SNX29: variants seen among roughly 807,000 people sequenced by gnomAD.
The protein encoded by SNX29 is sorting nexin-29.
SNX29 carries 78 observed loss-of-function variants against 102.1 expected under a neutral mutation model. That is an observed-to-expected ratio of 0.76 (90% CI 0.64 to 0.92). The LOEUF is 0.92. Ranked by LOEUF, SNX29 falls within the 40% of genes least tolerant of loss-of-function variation. The pLI, the probability that SNX29 is intolerant of heterozygous loss-of-function variation, is 0.00. For synonymous variants in SNX29, 580 were observed against 414.5 expected (o/e 1.40, Z -4.85); for missense variants, 1,280 against 1,061.7 (o/e 1.21, Z -2.86).
chr16:12,221,118 T>C (rs907183658), intron 14 of SNX29, among the ~76,000 whole-genome samples: 2 of 151,930 alleles, frequency 1.3e-5, no homozygotes, highest in Non-Finnish European at 2.9e-5. Context: ...TTTTTTTTCT[T>C]CTTCTTCTTC....
At chr16:12,071,445 G>C (rs1267625339) in intron 10 of SNX29, among the ~76,000 whole-genome samples, 14 of 152,124 alleles carry the variant, frequency 9.2e-5, no homozygotes, top group Admixed American at 9.2e-4. Flanking sequence ...CCCAATGCTT[G>C]TTTTTCTCAG....
rs1320553217 is a variant in SNX29 at position 12,436,804 on chromosome 16, C to G, written c.2037+33275C>G. On this transcript the variant is annotated intron_variant, in intron 18 of 20. Coordinates refer to ENST00000566228, the MANE Select transcript of SNX29 (RefSeq NM_032167.5). ...TAGTAGCTGGGATTACAGGTGCCTG[C>G]CACCATGCCCGGCTAATTTTTGTAT... Among the ~76,000 whole-genome samples, 4 of 152,356 alleles carry G rather than the reference C, an allele frequency of 2.6e-5. No homozygotes were observed. The East Asian group carries it at 7.7e-4, about 29-fold the overall frequency.
Position 12,572,076 on chromosome 16 carries a change from G to A in SNX29, c.*3447G>A, listed in dbSNP as rs149222146. 228 of 1,063,684 alleles carry A rather than the reference G, an allele frequency of 2.1e-4. No homozygotes were observed. In the South Asian group the frequency reaches 2.3e-3, roughly 11 times the overall value. The allele number at this position is 1,063,684 out of a possible 1,614,324, so 65.9% of individuals were successfully genotyped here. A position where few individuals can be genotyped will look rare whatever the true frequency, so the allele number is the denominator to read the frequency against. ...AAGGGAACCATCTTGCAAGATCTAG[G>A]AAGAGGAAGGGGAGGGATGTGGACT... On this transcript the variant is annotated 3_prime_UTR_variant, in exon 21 of 21. Coordinates refer to ENST00000566228, the MANE Select transcript of SNX29 (RefSeq NM_032167.5).
chr16:12,272,804 C>G (rs892809535), intron 14 of SNX29, among the ~76,000 whole-genome samples: 1 of 152,144 alleles, frequency 6.6e-6, no homozygotes, highest in Non-Finnish European at 1.5e-5. Context: ...TGGGTTGTTG[C>G]CTCCATATCT....
chr16:12,052,836 T>C (rs571659722), intron 8 of SNX29: 16 of 154,202 alleles, frequency 1.0e-4, no homozygotes, highest in African/African-American at 3.8e-4. Context: ...GTGCCTGTTA[T>C]TGTTTTTTAT....
intron 11 of SNX29, among the ~76,000 whole-genome samples, chr16:12,106,683 G>A (rs2053264682): frequency 6.7e-6 from 1 of 149,434 alleles, no homozygotes; most frequent in Non-Finnish European, 1.5e-5. Flanking sequence ...GTCTCACTGT[G>A]TTGCCTAGGC....
At chr16:12,560,208 G>T (rs917036817) in intron 20 of SNX29, among the ~76,000 whole-genome samples, 2 of 144,412 alleles carry the variant, frequency 1.4e-5, no homozygotes, top group African/African-American at 5.3e-5. Context: ...TTGTAGAAGA[G>T]CAACTACACA....
chr16:12,031,061 A>G (rs2057328125), intron 4 of SNX29, among the ~76,000 whole-genome samples: 1 of 151,152 alleles, frequency 6.6e-6, no homozygotes, highest in African/African-American at 2.4e-5. Context: ...AGTAATTTAG[A>G]TGATTCAGTT....
At chr16:11,999,653 G>A (rs1262142161) in intron 2 of SNX29, among the ~76,000 whole-genome samples, 1 of 152,166 alleles carries the variant, frequency 6.6e-6, no homozygotes, top group Non-Finnish European at 1.5e-5. Context: ...TGTAATCCTA[G>A]CACTTTGGGA....
chr16:12,535,037 A>G (rs139319428), intron 20 of SNX29, among the ~76,000 whole-genome samples: 1 of 152,194 alleles, frequency 6.6e-6, no homozygotes, highest in Non-Finnish European at 1.5e-5. Context: ...TGGGTCTTAT[A>G]AAACCAGCTA....
At chr16:12,021,636 C>T (rs1201325519) in intron 3 of SNX29, among the ~76,000 whole-genome samples, 2 of 151,996 alleles carry the variant, frequency 1.3e-5, no homozygotes, top group African/African-American at 4.8e-5. Flanking sequence ...TTCTGTAATC[C>T]TAGCACTTTG....
rs2079163869 is a variant in SNX29 at position 12,570,468 on chromosome 16, A to G, written c.*1839A>G. ...ATGGACTGAGGCAGGAAACGTCTAAAAGCTCAATCTGCTGTATGTCATGAC... is the reference window on the plus strand; with the variant it reads ...ATGGACTGAGGCAGGAAACGTCTAAGAGCTCAATCTGCTGTATGTCATGAC... On this transcript the variant is annotated 3_prime_UTR_variant, in exon 21 of 21. Transcript: ENST00000566228. 2 of 234,510 alleles carry G rather than the reference A, an allele frequency of 8.5e-6. No individual in the cohort carries two copies. Among genetic ancestry groups the G allele is most frequent in the Non-Finnish European group, 1.7e-5 (2 of 119,460 alleles). The allele number at this position is 234,510 out of a possible 1,614,324, so 14.5% of individuals were successfully genotyped here.
intron 19 of SNX29, among the ~76,000 whole-genome samples, chr16:12,521,121 A>C (rs182816391): frequency 6.6e-6 from 1 of 152,308 alleles, no homozygotes; most frequent in Non-Finnish European, 1.5e-5. Flanking sequence ...CGGAGGTTGC[A>C]GTGAGCTGAG....
chr16:12,161,480 AT>A, intron 13 of SNX29, among the ~76,000 whole-genome samples: 1 of 152,296 alleles, frequency 6.6e-6, no homozygotes, highest in South Asian at 2.1e-4. Flanking sequence ...TCACTGCCCA[AT>A]TGATGCTGGG....
At position 12,156,798 on chromosome 16, in the gene SNX29, C is replaced by T. The variant is rs377437536; in HGVS notation, c.1595+27040C>T. Among the ~76,000 whole-genome samples, 6 of 152,214 alleles carry T rather than the reference C, an allele frequency of 3.9e-5. No homozygotes were observed. The East Asian group carries it at 7.7e-4, about 20-fold the overall frequency. ...ATCCAACGTCAGGAGAATGGGAGTG[C>T]AGGAGCCCAGGGCATGGTCCCTCTG... On this transcript the variant is annotated intron_variant, in intron 13 of 20. Coordinates refer to ENST00000566228, the MANE Select transcript of SNX29 (RefSeq NM_032167.5).
chr16:12,471,301 C>G (rs1224047498), intron 18 of SNX29, among the ~76,000 whole-genome samples: 1 of 152,166 alleles, frequency 6.6e-6, no homozygotes, highest in Non-Finnish European at 1.5e-5. Flanking sequence ...GGAATGTTGA[C>G]TGCTTGGTGG....
chr16:12,168,994 T>C (rs1457159991), intron 13 of SNX29, among the ~76,000 whole-genome samples: 2 of 151,874 alleles, frequency 1.3e-5, no homozygotes, highest in African/African-American at 4.8e-5. Context: ...CCAGAAAGGG[T>C]TTTCCGTCAC....
At chr16:12,395,176 C>G (rs918154551) in intron 16 of SNX29, among the ~76,000 whole-genome samples, 11 of 152,132 alleles carry the variant, frequency 7.2e-5, no homozygotes, top group Non-Finnish European at 1.3e-4. Flanking sequence ...TTCTTTTTGG[C>G]AGAACCTCTA....
intron 20 of SNX29, among the ~76,000 whole-genome samples, chr16:12,560,006 C>G (rs920346106): frequency 2.6e-5 from 4 of 152,162 alleles, no homozygotes; most frequent in African/African-American, 4.8e-5. Flanking sequence ...AGCAACTTCA[C>G]TTACATTTTG....
Sources: allele counts gnomAD v4.1 joint callset (sites outside exome capture counted in the v4.1 genomes callset), GRCh38; gene constraint gnomAD v4.1.1; transcripts MANE v1.5; gene names NCBI Gene and HGNC (gene_info 2026-07-23, HGNC 2026-07-21).